Variants in TUSC3 observed in about 807,000 individuals in gnomAD.
TUSC3 encodes tumor suppressor candidate 3.
TUSC3 carries 45 observed loss-of-function variants against 44.8 expected under a neutral mutation model. The observed-to-expected ratio is 1.00, with a 90% confidence interval of 0.79 to 1.29. TUSC3 has a LOEUF of 1.29. TUSC3 is among the 50% of genes most tolerant of loss of function. The pLI is 0.00. For missense variants in TUSC3, 519 were observed against 437.9 expected (o/e 1.19, Z -1.65); for synonymous variants, 212 against 152.9 (o/e 1.39, Z -2.85).
chr8:15,706,880 G>C (rs1009350546), intron 6 of TUSC3, among the ~76,000 whole-genome samples: 1 of 151,772 alleles, frequency 6.6e-6, no homozygotes, highest in African/African-American at 2.4e-5. Context: ...TTTTAAATTT[G>C]GGAAGTTAAG....
At chr8:15,419,665 T>C (rs950233452) in intron 1 of TUSC3, among the ~76,000 whole-genome samples, 1 of 152,208 alleles carries the variant, frequency 6.6e-6, no homozygotes, top group African/African-American at 2.4e-5. Context: ...ATCCCTTACA[T>C]TTAAAATTTA....
chr8:15,755,102 A>G (rs1319230450), intron 9 of TUSC3, among the ~76,000 whole-genome samples: 4 of 152,110 alleles, frequency 2.6e-5, no homozygotes, highest in Non-Finnish European at 4.4e-5. Context: ...GTCTCATGCC[A>G]TTACTAAATT....
intron 1 of TUSC3, among the ~76,000 whole-genome samples, chr8:15,470,388 T>A (rs1004577661): frequency 6.6e-6 from 1 of 152,286 alleles, no homozygotes; most frequent in East Asian, 1.9e-4. Flanking sequence ...CCTTATACAT[T>A]GTCATTAAGT....
At chr8:15,439,804 C>T (rs1360531317) in intron 1 of TUSC3, among the ~76,000 whole-genome samples, 1 of 152,184 alleles carries the variant, frequency 6.6e-6, no homozygotes, top group East Asian at 1.9e-4. Flanking sequence ...TCATTTCTGC[C>T]TTGCACTAGT....
chr8:15,797,317 C>G, the TUSC3 span, among the ~76,000 whole-genome samples: 2 of 152,290 alleles, frequency 1.3e-5, no homozygotes, highest in African/African-American at 2.4e-5. Flanking sequence ...TCTCCAATTC[C>G]TAAAGAGTCC....
chr8:15,802,127 T>C, the TUSC3 span, among the ~76,000 whole-genome samples: 4 of 151,974 alleles, frequency 2.6e-5, 1 homozygote, highest in Non-Finnish European at 5.9e-5. Flanking sequence ...CACGTAAGAG[T>C]AGAAAGAGGG....
intron 2 of TUSC3, among the ~76,000 whole-genome samples, chr8:15,518,769 A>C (rs1346486170): frequency 6.6e-6 from 1 of 152,164 alleles, no homozygotes; most frequent in Non-Finnish European, 1.5e-5. Context: ...GGAGCATTTA[A>C]AGTTAGCAAT....
chr8:15,711,222 A>T (rs1486868363), intron 6 of TUSC3, among the ~76,000 whole-genome samples: 1 of 151,616 alleles, frequency 6.6e-6, no homozygotes, highest in Non-Finnish European at 1.5e-5. Flanking sequence ...TCTCTCCTCG[A>T]TGTTGATCTA....
At chr8:15,643,443 T>C (rs1410394224) in intron 2 of TUSC3, among the ~76,000 whole-genome samples, 1 of 152,110 alleles carries the variant, frequency 6.6e-6, no homozygotes, top group Non-Finnish European at 1.5e-5. Context: ...CAAAATTTCT[T>C]TGACTTTCAA....
At chr8:15,847,176 G>C in the TUSC3 span, among the ~76,000 whole-genome samples, 1 of 152,194 alleles carries the variant, frequency 6.6e-6, no homozygotes, top group African/African-American at 2.4e-5. Context: ...GGAGAGGCAG[G>C]GGAAGGACTT....
intron 10 of TUSC3, 38 bp from the exon 11 acceptor site, chr8:15,764,165 T>C (rs745434730): frequency 5.8e-6 from 9 of 1,552,426 alleles, no homozygotes; most frequent in Middle Eastern, 1.7e-4. Context: ...TTCCTTATGT[T>C]CTATGTTCAG....
intron 2 of TUSC3, among the ~76,000 whole-genome samples, chr8:15,631,668 T>TG (rs1805769244): frequency 2.7e-4 from 39 of 145,210 alleles, no homozygotes; most frequent in East Asian, 1.7e-3. Context: ...TTTAAGGCTG[T>TG]TGTGTGTGTG....
intron 1 of TUSC3, among the ~76,000 whole-genome samples, chr8:15,478,972 T>C (rs1407100993): frequency 6.6e-6 from 1 of 152,172 alleles, no homozygotes; most frequent in African/African-American, 2.4e-5. Context: ...ATAACCATCA[T>C]TGTGACTGGC....
At chr8:15,842,768 A>C in the TUSC3 span, among the ~76,000 whole-genome samples, 1 of 152,166 alleles carries the variant, frequency 6.6e-6, no homozygotes, top group Admixed American at 6.5e-5. Flanking sequence ...TGGTATTGAC[A>C]ATTCTTTGAA....
intron 1 of TUSC3, among the ~76,000 whole-genome samples, chr8:15,596,736 G>T (rs1804086908): frequency 6.6e-6 from 1 of 152,082 alleles, no homozygotes; most frequent in Non-Finnish European, 1.5e-5. Flanking sequence ...GGTATTCAGA[G>T]AATTTATGTT....
At chr8:15,746,265 T>C (rs1231686601) in intron 8 of TUSC3, among the ~76,000 whole-genome samples, 2 of 152,138 alleles carry the variant, frequency 1.3e-5, no homozygotes, top group Non-Finnish European at 2.9e-5. Context: ...AACTCCTCTC[T>C]TGGTAGATGT....
the TUSC3 span, among the ~76,000 whole-genome samples, chr8:15,844,391 C>T: frequency 6.6e-6 from 1 of 151,964 alleles, no homozygotes; most frequent in African/African-American, 2.4e-5. Context: ...AGCTAAGAGT[C>T]TATTTGAGGA....
At chr8:15,520,840 T>C (rs1801287625) in intron 2 of TUSC3, among the ~76,000 whole-genome samples, 2 of 152,314 alleles carry the variant, frequency 1.3e-5, no homozygotes, top group South Asian at 4.1e-4. Flanking sequence ...AATGAGTAAA[T>C]TGAAGTTCCT....
the TUSC3 span, among the ~76,000 whole-genome samples, chr8:15,784,584 A>G: frequency 6.6e-6 from 1 of 152,050 alleles, no homozygotes; most frequent in Admixed American, 6.6e-5. Flanking sequence ...TTTAGCCTTT[A>G]AAAAGTAGGA....
Sources: allele counts gnomAD v4.1 joint callset (sites outside exome capture counted in the v4.1 genomes callset), GRCh38; gene constraint gnomAD v4.1.1; transcripts MANE v1.5; gene names NCBI Gene and HGNC (gene_info 2026-07-23, HGNC 2026-07-21).